The following CYP4X1 variants were observed in gnomAD, a reference collection of about 807,000 sequenced individuals.
CYP4X1 encodes cytochrome P450 family 4 subfamily X member 1.
In CYP4X1, 44 loss-of-function variants were observed where a neutral mutation model predicts 57.9. The ratio of observed to expected loss-of-function variants is 0.76; its 90% CI spans 0.60 to 0.98. The LOEUF is 0.98. Among genes scored for constraint, CYP4X1 ranks in the 50% least tolerant of loss-of-function variants. The pLI is 0.00. For synonymous variants in CYP4X1, 227 were observed against 228.6 expected (o/e 0.99, Z 0.06); for missense variants, 532 against 623.9 (o/e 0.85, Z 1.57).
At chr1:47,031,950 T>C (rs1644129040) in intron 3 of CYP4X1, among the ~76,000 whole-genome samples, 1 of 151,930 alleles carries the variant, frequency 6.6e-6, no homozygotes, top group Admixed American at 6.6e-5. Flanking sequence ...GGCTGAGACA[T>C]GAGAATCGCT....
At chr1:47,048,739 T>C (rs929053267) in intron 10 of CYP4X1, 110 bp downstream of exon 10, 19 of 998,598 alleles carry the variant, frequency 1.9e-5, no homozygotes, top group Non-Finnish European at 2.5e-5. Context: ...TGACACAAAT[T>C]AAACAAAAAT....
downstream of CYP4X1, among the ~76,000 whole-genome samples, chr1:47,053,163 C>T (rs373229314): frequency 4.2e-4 from 63 of 151,800 alleles, no homozygotes; most frequent in Non-Finnish European, 5.9e-4. Context: ...TGAGAACATG[C>T]GGTGTTTGGT....
chr1:46,979,151 C>T, the CYP4X1 span, among the ~76,000 whole-genome samples: 1 of 152,004 alleles, frequency 6.6e-6, no homozygotes, highest in African/African-American at 2.4e-5. Flanking sequence ...GAGATAGAGA[C>T]ACAAAAACCC....
the CYP4X1 span, among the ~76,000 whole-genome samples, chr1:46,991,683 C>G: frequency 6.6e-6 from 1 of 152,164 alleles, no homozygotes. Flanking sequence ...GGGCTTCCCC[C>G]ATGTGAGGGC....
chr1:46,963,039 T>A, the CYP4X1 span, among the ~76,000 whole-genome samples: 10 of 152,342 alleles, frequency 6.6e-5, no homozygotes, highest in South Asian at 2.1e-3. Flanking sequence ...TCTTTGTTGG[T>A]TTAAAGTCTG....
intron 10 of CYP4X1, 128 bp downstream of exon 10, chr1:47,048,757 A>G: frequency 1.1e-6 from 1 of 901,162 alleles, no homozygotes; most frequent in Non-Finnish European, 1.7e-6. Flanking sequence ...AATAAACATA[A>G]AAGCCAAAAG....
chr1:47,012,227 C>A, the CYP4X1 span, among the ~76,000 whole-genome samples: 1 of 152,106 alleles, frequency 6.6e-6, no homozygotes, highest in Non-Finnish European at 1.5e-5. Flanking sequence ...TACTAAGCAG[C>A]CATAAAAAAG....
the CYP4X1 span, among the ~76,000 whole-genome samples, chr1:46,965,680 G>A: frequency 2.0e-5 from 3 of 152,236 alleles, no homozygotes; most frequent in Non-Finnish European, 2.9e-5. Context: ...AGTCAGAAGA[G>A]CAGGATCAGG....
the CYP4X1 span, among the ~76,000 whole-genome samples, chr1:46,976,878 G>C: frequency 6.6e-6 from 1 of 152,168 alleles, no homozygotes; most frequent in Admixed American, 6.5e-5. Context: ...AGCAGCTGAG[G>C]GACCTGACTG....
chr1:47,012,522 C>T, the CYP4X1 span, among the ~76,000 whole-genome samples: 5 of 151,714 alleles, frequency 3.3e-5, no homozygotes, highest in East Asian at 1.9e-4. Flanking sequence ...CAAACCTGCA[C>T]GTTGTGCACA....
downstream of CYP4X1, among the ~76,000 whole-genome samples, chr1:47,052,266 A>G (rs1329000813): frequency 6.6e-6 from 1 of 152,168 alleles, no homozygotes; most frequent in Non-Finnish European, 1.5e-5. Context: ...GAAAACCCTT[A>G]AAAATATGAA....
At chr1:47,013,368 C>T in the CYP4X1 span, among the ~76,000 whole-genome samples, 9 of 152,256 alleles carry the variant, frequency 5.9e-5, no homozygotes, top group East Asian at 1.7e-3. Flanking sequence ...TCTCAGGCTT[C>T]AACTTGCTCA....
At chr1:47,004,406 C>T in the CYP4X1 span, among the ~76,000 whole-genome samples, 1 of 152,160 alleles carries the variant, frequency 6.6e-6, no homozygotes, top group South Asian at 2.1e-4. Context: ...TTCACCTTTT[C>T]CTTTCTGCTT....
At chr1:46,968,637 T>C in the CYP4X1 span, among the ~76,000 whole-genome samples, 1 of 152,302 alleles carries the variant, frequency 6.6e-6, no homozygotes, top group South Asian at 2.1e-4. Context: ...ACAGTCACAG[T>C]CCAGTGCCTA....
chr1:47,049,401 G>A, intron 10 of CYP4X1, 21 bp from the exon 11 acceptor site: 1 of 1,603,294 alleles, frequency 6.2e-7, no homozygotes, highest in Non-Finnish European at 8.5e-7. Flanking sequence ...GGATGGTGTT[G>A]GGGTTGTCCT....
chr1:47,023,506 A>C, upstream of CYP4X1: 1 of 1,100,018 alleles, frequency 9.1e-7, no homozygotes. Context: ...ATTATTTTAC[A>C]ATATAAATTC....
chr1:46,966,482 C>G, the CYP4X1 span, among the ~76,000 whole-genome samples: 1 of 151,956 alleles, frequency 6.6e-6, no homozygotes, highest in Non-Finnish European at 1.5e-5. Context: ...TGGGTGGGGT[C>G]GTACAATCAG....
the CYP4X1 span, among the ~76,000 whole-genome samples, chr1:46,997,148 G>A: frequency 1.8e-4 from 27 of 152,064 alleles, no homozygotes; most frequent in Admixed American, 1.6e-3. Flanking sequence ...CCATGCAGAA[G>A]TATTTTTTTT....
intron 6 of CYP4X1, 35 bp downstream of exon 6, chr1:47,036,206 G>A (rs764330041): frequency 2.5e-5 from 40 of 1,581,246 alleles, no homozygotes; most frequent in African/African-American, 4.0e-5. Context: ...ACGTCCATAC[G>A]CTGCCATGAT....
Sources: gnomAD v4.1 joint callset for allele counts (sites outside exome capture counted in the v4.1 genomes callset) on GRCh38, gnomAD v4.1.1 for gene constraint, MANE v1.5 for transcripts, NCBI Gene and HGNC (gene_info 2026-07-23, HGNC 2026-07-21) for gene names.